CTH: variants seen among roughly 807,000 people sequenced by gnomAD.
CTH encodes cystathionine gamma-lyase, also known as cystathionase (cystathionine gamma-lyase).
In CTH, 41 loss-of-function variants were observed where a neutral mutation model predicts 50.6. The ratio of observed to expected loss-of-function variants is 0.81; its 90% confidence interval spans 0.63 to 1.05. CTH has a LOEUF of 1.05. Among genes scored for constraint, CTH ranks in the 50% least tolerant of loss-of-function variants. The pLI, the probability that CTH is intolerant of heterozygous loss-of-function variation, is 0.00. For synonymous variants in CTH, 156 were observed against 168.9 expected (o/e 0.92, Z 0.59); for missense variants, 470 against 492.6 (o/e 0.95, Z 0.43).
intron 4 of CTH, among the ~76,000 whole-genome samples, chr1:70,423,951 G>A (rs1684287275): frequency 6.6e-6 from 1 of 152,138 alleles, no homozygotes; most frequent in Non-Finnish European, 1.5e-5. Context: ...TCCAGACACT[G>A]AGCTGTCTTT....
intron 4 of CTH, among the ~76,000 whole-genome samples, chr1:70,423,867 G>A (rs1684285665): frequency 6.6e-6 from 1 of 151,944 alleles, no homozygotes; most frequent in Admixed American, 6.6e-5. Flanking sequence ...GGCATCATAG[G>A]GATAATTCTC....
Position 70,438,840 on chromosome 1 carries a change from TTGTGTGTGTG to T in CTH, c.1191+34_1191+43del, listed in dbSNP as rs58815241. 263 of 1,558,722 alleles carry T rather than the reference TTGTGTGTGTG, an allele frequency of 1.7e-4. No homozygotes were observed. The South Asian group carries it at 2.5e-3, about 15-fold the overall frequency. ...TTGAAGGCAGCAGTAAGTCTTATTA[TTGTGTGTGTG>T]TGTGTGTGTGTGTGTGTGTCTGCTT... On this transcript the variant is annotated intron_variant, in intron 11 of 11. Coordinates refer to ENST00000370938, the MANE Select transcript of CTH (RefSeq NM_001902.6).
intron 3 of CTH, among the ~76,000 whole-genome samples, chr1:70,420,615 C>T (rs145913678): frequency 1.4e-3 from 212 of 152,238 alleles, no homozygotes; most frequent in Non-Finnish European, 2.5e-3. Context: ...CTGTACCTGT[C>T]TGTGGCCTGG....
chr1:70,415,366 C>T (rs1005772267), intron 1 of CTH, among the ~76,000 whole-genome samples: 3 of 151,864 alleles, frequency 2.0e-5, no homozygotes, highest in East Asian at 1.9e-4. Context: ...ATTGCCCCAC[C>T]GTACTCTAGC....
chr1:70,439,392 C>T lies in CTH; in HGVS notation c.*265C>T. On this transcript the variant is annotated 3_prime_UTR_variant, in exon 12 of 12. Coordinates refer to ENST00000370938, the MANE Select transcript of CTH (RefSeq NM_001902.6). ...TCTGAAGGAGGTGAGATTTGTGCTA[C>T]TTTGGGAGATTATGTTCTTTTTTCA... 2.2e-6 allele frequency: 1 copy of T among 452,772 alleles called. No homozygotes were observed. Among genetic ancestry groups the T allele is most frequent in the Non-Finnish European group, 3.9e-6 (1 of 254,458 alleles). 28.0% of individuals were successfully genotyped at this position (452,772 alleles called of 1,614,324 possible).
At chr1:70,438,920 A>C (rs1684659961) in intron 11 of CTH, 94 bp downstream of exon 11, 1 of 1,603,082 alleles carries the variant, frequency 6.2e-7, no homozygotes, top group Non-Finnish European at 8.5e-7. Context: ...GTGTGGTCTC[A>C]CTGTGAACTC....
intron 5 of CTH, among the ~76,000 whole-genome samples, chr1:70,427,929 T>C (rs1370040888): frequency 1.3e-5 from 2 of 152,174 alleles, no homozygotes; most frequent in Non-Finnish European, 2.9e-5. Flanking sequence ...GCCAGGCTGG[T>C]CTCAAACTCC....
At chr1:70,438,191 G>C (rs1306456694) in intron 10 of CTH, among the ~76,000 whole-genome samples, 5 of 152,124 alleles carry the variant, frequency 3.3e-5, no homozygotes, top group African/African-American at 1.2e-4. Context: ...AATGCTTACT[G>C]GTTGCTACTA....
chr1:70,429,842 T>A lies in CTH; in HGVS notation c.637T>A (p.Tyr213Asn). The change falls in exon 6 of 12, where the codon TAC becomes AAC. Residue 213 changes from tyrosine (Y) to asparagine (N), a missense_variant. Tyr to Asn is a moderately radical substitution (Grantham distance 143). Transcript: ENST00000370938. ...TATTTCTATGTATTCTGCAACAAAATACATGAATGGTAAGATGCATACTTT... is the reference window on the plus strand; with the variant it reads ...TATTTCTATGTATTCTGCAACAAAAAACATGAATGGTAAGATGCATACTTT... ...ADISMYSATK[Y>N]MNGHSDVVMG... 1 of 1,611,260 alleles carries A rather than the reference T, an allele frequency of 6.2e-7. No homozygotes were observed. The highest frequency in any genetic ancestry group is 8.5e-7 in the Non-Finnish European group (1 of 1,177,464).
chr1:70,437,807 GGT>G, intron 10 of CTH, among the ~76,000 whole-genome samples: 1 of 152,254 alleles, frequency 6.6e-6, no homozygotes, highest in South Asian at 2.1e-4. Flanking sequence ...TGATTTTGCT[GGT>G]GGTGTGCAGG....
In CTH at chr1:70,411,481, G is replaced by T; in HGVS notation, c.66G>T (p.Ala22=). Reference sequence around the variant, plus strand: ...ACTTCCAACATTTCGCCACGCAGGCGATCCATGTGGGCCAGGATCCAGAGC... The same window carrying T: ...ACTTCCAACATTTCGCCACGCAGGCTATCCATGTGGGCCAGGATCCAGAGC... ...LPHFQHFATQ[A]IHVGQDPEQW... Residue 22 remains alanine (A), a synonymous_variant, in exon 1 of 12, where the codon GCG becomes GCT. Coordinates refer to ENST00000370938, the MANE Select transcript of CTH (RefSeq NM_001902.6). 1 of 1,614,168 alleles carries T rather than the reference G, an allele frequency of 6.2e-7. No homozygotes were observed. The highest frequency in any genetic ancestry group is 8.5e-7 in the Non-Finnish European group (1 of 1,180,044).
intron 4 of CTH, 108 bp from the exon 5 acceptor site, chr1:70,424,177 C>T: frequency 6.3e-7 from 1 of 1,584,862 alleles, no homozygotes; most frequent in South Asian, 1.1e-5. Context: ...CATCATCATC[C>T]ATGTGTTTCC....
chr1:70,431,158 A>G (rs1360184517), intron 7 of CTH: 1 of 152,130 alleles, frequency 6.6e-6, no homozygotes, highest in Non-Finnish European at 1.5e-5. Context: ...AGCCTGGGCA[A>G]CAGAGTGAGA....
chr1:70,436,946 C>G (rs186502205), intron 10 of CTH, among the ~76,000 whole-genome samples: 2 of 152,154 alleles, frequency 1.3e-5, no homozygotes, highest in South Asian at 4.1e-4. Context: ...GCTATAACCC[C>G]GATGCCAGAG....
At chr1:70,437,118 C>T (rs971579072) in intron 10 of CTH, among the ~76,000 whole-genome samples, 28 of 152,108 alleles carry the variant, frequency 1.8e-4, no homozygotes, top group African/African-American at 6.0e-4. Context: ...AACTCTGTGA[C>T]CTTAGAAAAG....
In CTH at chr1:70,421,649, G is replaced by C. The variant is rs773089704; in HGVS notation, c.430G>C (p.Glu144Gln). ...FVDCSKIKLL[E>Q]AAITPETKLV... The stretch of plus-strand genomic sequence containing the variant: ...TGATTGTTCCAAAATCAAATTACTA[G>C]AGGCAGCAATTACACCAGAAACCAA... Residue 144 changes from glutamate (E) to glutamine (Q), a missense_variant, in exon 4 of 12, where the codon GAG becomes CAG. Glu to Gln is a conservative substitution (Grantham distance 29). Coordinates refer to ENST00000370938, the MANE Select transcript of CTH (RefSeq NM_001902.6). 6.8e-6 allele frequency: 11 copies of C among 1,613,886 alleles called. No homozygotes were observed. The Admixed American group carries it at 1.8e-4, about 27-fold the overall frequency.
At chr1:70,431,133 G>C (rs748688875) in intron 7 of CTH, 2 of 152,066 alleles carry the variant, frequency 1.3e-5, no homozygotes, top group Non-Finnish European at 2.9e-5. Flanking sequence ...AGCTGACATC[G>C]TGCCACTGCA....
chr1:70,437,337 C>T (rs1222852846), intron 10 of CTH, among the ~76,000 whole-genome samples: 2 of 152,286 alleles, frequency 1.3e-5, no homozygotes, highest in Admixed American at 1.3e-4. Flanking sequence ...CTTAGAAGTG[C>T]TTTATACATG....
rs188875720 is a variant in CTH, at chr1:70,421,748, G to A, written c.456+73G>A. 451 of 1,445,748 alleles carry A rather than the reference G, an allele frequency of 3.1e-4. 2 individuals carry two copies. In the African/African-American group the frequency reaches 5.7e-3, roughly 18 times the overall value. The allele number at this position is 1,445,748 out of a possible 1,614,324, so 89.6% of individuals were successfully genotyped here. On this transcript the variant is annotated intron_variant, in intron 4 of 11. Coordinates refer to ENST00000370938, the MANE Select transcript of CTH (RefSeq NM_001902.6). ...GTTTTCATCATTTCTGTTTACTAGAGGATATAATTTAATGTGAATAACAAA... is the reference window on the plus strand; with the variant it reads ...GTTTTCATCATTTCTGTTTACTAGAAGATATAATTTAATGTGAATAACAAA...
Sources: allele counts gnomAD v4.1 joint callset (sites outside exome capture counted in the v4.1 genomes callset), GRCh38; gene constraint gnomAD v4.1.1; transcripts MANE v1.5; gene names NCBI Gene and HGNC (gene_info 2026-07-23, HGNC 2026-07-21).